Variants in MPDZ observed in about 807,000 individuals in gnomAD.
The protein encoded by MPDZ is multiple PDZ domain protein.
MPDZ carries 234 observed loss-of-function variants against 239.1 expected under a neutral mutation model. The observed-to-expected ratio is 0.98, with a 90% CI of 0.88 to 1.09. MPDZ has a LOEUF of 1.09. Among genes scored for constraint, MPDZ ranks in the 50% least tolerant of loss-of-function variants. The pLI is 0.00. For synonymous variants in MPDZ, 1,048 were observed against 881.3 expected (o/e 1.19, Z -3.35); for missense variants, 3,175 against 2,510.0 (o/e 1.26, Z -5.66).
Position 13,175,889 on chromosome 9 carries a change from A to G in MPDZ, c.2932-14T>C, listed in dbSNP as rs767608795. 1 of 1,578,460 alleles carries G rather than the reference A, an allele frequency of 6.3e-7. No individual in the cohort carries two copies. Among genetic ancestry groups the G allele is most frequent in the Admixed American group, 1.9e-5 (1 of 53,734 alleles). ...GTACTCAGAGCCCTTTAAGAAAGAA[A>G]AAGAAGTCACAAGTCACATGGAAAG... On this transcript the variant is annotated splice_polypyrimidine_tract_variant and intron_variant, in intron 20 of 46. Transcript: ENST00000319217.
Position 13,113,023 on chromosome 9 carries a change from G to A in MPDZ, c.5589C>T (p.Val1863=), listed in dbSNP as rs375001551. The A allele has an allele frequency of 2.8e-4, 439 of 1,585,290 alleles. No individual in the cohort carries two copies. The highest frequency in any genetic ancestry group is 3.5e-4 in the Non-Finnish European group (403 of 1,163,638). ...CTCCCCAAGTTACCTTTTTCATTTC[G>A]ACTGTTCTTAATCCCTGTATTTCAG... is the stretch of plus-strand genomic sequence containing the variant. ...LASEIQGLRT[V]EMKKGPTDSL... The change falls in exon 42 of 47, where the codon GTC becomes GTT. Residue 1863 remains valine, a synonymous_variant. Coordinates refer to ENST00000319217, the MANE Select transcript of MPDZ (RefSeq NM_001378778.1).
At chr9:13,186,985 T>G (rs1488540986) in intron 17 of MPDZ, among the ~76,000 whole-genome samples, 1 of 152,102 alleles carries the variant, frequency 6.6e-6, no homozygotes, top group East Asian at 1.9e-4. Context: ...CTGCTTAACT[T>G]GCAGGTTAGA....
intron 23 of MPDZ, 22 bp from the exon 24 acceptor site, chr9:13,158,132 G>C (rs917764675): frequency 1.3e-6 from 2 of 1,585,732 alleles, no homozygotes; most frequent in Non-Finnish European, 1.7e-6. Context: ...ATTACACAAT[G>C]AGTACCCCAA....
intron 28 of MPDZ, 78 bp downstream of exon 28, chr9:13,139,909 C>T (rs753740177): frequency 6.5e-7 from 1 of 1,546,658 alleles, no homozygotes; most frequent in South Asian, 1.1e-5. Context: ...ACTTACTTAT[C>T]CAGGGCGAAA....
Position 13,115,284 on chromosome 9 carries a change from T to C in MPDZ, c.5430A>G (p.Pro1810=), listed in dbSNP as rs577560180. The C allele has an allele frequency of 1.4e-5, 23 of 1,612,602 alleles. No homozygotes were observed. The East Asian group carries it at 4.7e-4, about 33-fold the overall frequency. Residue 1810 remains proline (P), a synonymous_variant, in exon 40 of 47, where the codon CCA becomes CCG. Coordinates refer to ENST00000319217, the MANE Select transcript of MPDZ (RefSeq NM_001378778.1). The part of the protein sequence containing the change: ...TLEVGRIKAG[P]FHSERRPSQS... ...GAGATGGCCTCCTCTCTGAATGGAATGGACCAGCTTTGATTCTTCCAACTT... is the reference window on the plus strand; with the variant it reads ...GAGATGGCCTCCTCTCTGAATGGAACGGACCAGCTTTGATTCTTCCAACTT...
chr9:13,172,387 G>GTT (rs34008117), intron 21 of MPDZ, among the ~76,000 whole-genome samples: 77,366 of 145,486 alleles, frequency 0.53, 24,670 homozygotes, highest in Middle Eastern at 0.71. Context: ...TTTGTTTTTT[G>GTT]TTTTTTTTTT....
In MPDZ at chr9:13,223,679, T is replaced by C. The variant is rs1490915251; in HGVS notation, c.425A>G (p.Lys142Arg). The C allele has an allele frequency of 1.2e-6, 2 of 1,609,670 alleles. No homozygotes were observed. The highest frequency in any genetic ancestry group is 1.7e-5 in the Admixed American group (1 of 59,280). The change falls in exon 5 of 47, where the codon AAA becomes AGA. Residue 142 changes from lysine to arginine, a missense_variant. By Grantham distance (26) the Lys-to-Arg change is conservative. Coordinates refer to ENST00000319217, the MANE Select transcript of MPDZ (RefSeq NM_001378778.1). ...GRHVEVFELL[K>R]PPSGGLGFSV... ...AAACCCAAGGCCTCCAGATGGAGGT[T>C]TGAGGAGCTCAAAAACTTCTACATG...
chr9:13,118,941 G>T (rs993811090), intron 39 of MPDZ, among the ~76,000 whole-genome samples: 3 of 152,172 alleles, frequency 2.0e-5, no homozygotes, highest in African/African-American at 7.2e-5. Context: ...ACTGCTGAGT[G>T]AATCTGCATT....
rs971844015 is a variant in MPDZ at position 13,205,983 on chromosome 9, C to T, written c.1407G>A (p.Glu469=). The stretch of plus-strand genomic sequence containing the variant: ...TTGTGACGTCTTCCCTTGACATGAG[C>T]TCGGCTTCCTGCTTCATTCCTCTCC... The part of the protein sequence containing the change: ...LMRRGMKQEA[E]LMSREDVTKD... The change falls in exon 11 of 47, where the codon GAG becomes GAA. Residue 469 remains glutamate, a synonymous_variant. Transcript: ENST00000319217. 1 of 1,611,392 alleles carries T rather than the reference C, an allele frequency of 6.2e-7. No individual in the cohort carries two copies. Among genetic ancestry groups the T allele is most frequent in the Non-Finnish European group, 8.5e-7 (1 of 1,179,016 alleles).
chr9:13,115,817 C>G (rs1395274872), intron 39 of MPDZ, among the ~76,000 whole-genome samples: 2 of 151,792 alleles, frequency 1.3e-5, no homozygotes, highest in Admixed American at 6.6e-5. Flanking sequence ...TGGTGGCAGG[C>G]GCCTGTAGTC....
rs141604274 is a variant in MPDZ, at chr9:13,151,715, G to A, written c.3453-1027C>T. ...GATGAAAAAAGTTCTGTAGCTAGAC[G>A]GTGGTGGTGACTGTAGAGCAATGTG... On this transcript the variant is annotated intron_variant, in intron 24 of 46. Transcript: ENST00000319217. Among the ~76,000 whole-genome samples the A allele has an allele frequency of 2.3e-3, 350 of 152,098 alleles. 2 individuals carry two copies. Among genetic ancestry groups the A allele is most frequent in the African/African-American group, 8.1e-3 (335 of 41,528 alleles).
chr9:13,221,452 C>T lies in MPDZ; in HGVS notation c.796G>A (p.Gly266Ser), dbSNP rs964953629. 2 of 1,611,240 alleles carry T rather than the reference C, an allele frequency of 1.2e-6. No homozygotes were observed. Among genetic ancestry groups the T allele is most frequent in the African/African-American group, 2.7e-5 (2 of 74,732 alleles). ...CCTCCTATGATGCCAAATCCCAAAC[C>T]AGATCCATCATTCACCAATTCAATC... ...ETIELVNDGS[G>S]LGFGIIGGKA... The change falls in exon 7 of 47, where the codon GGT becomes AGT. Residue 266 changes from glycine to serine, a missense_variant. Coordinates refer to ENST00000319217, the MANE Select transcript of MPDZ (RefSeq NM_001378778.1).
At chr9:13,122,043 C>CT in intron 37 of MPDZ, 44 bp downstream of exon 37, 1 of 1,608,460 alleles carries the variant, frequency 6.2e-7, no homozygotes, top group Non-Finnish European at 8.5e-7. Flanking sequence ...CCCCAGGAGC[C>CT]TTTTCTCTGT....
At chr9:13,145,345 T>C (rs1029012136) in intron 26 of MPDZ, among the ~76,000 whole-genome samples, 3 of 151,766 alleles carry the variant, frequency 2.0e-5, no homozygotes, top group Admixed American at 2.0e-4. Flanking sequence ...AGTGAGAAAA[T>C]GTGGTCAGAC....
In MPDZ at chr9:13,176,398, C is replaced by G. The variant is rs765815015; in HGVS notation, c.2669G>C (p.Cys890Ser). ...CATATGCAGATCAAGTACTGGATCA[C>G]AAGAATTTTCAATAACATCCTGGTA... ...SPPKDVIENS[C>S]DPVLDLHMSL... Residue 890 changes from cysteine (C) to serine (S), a missense_variant, in exon 20 of 47, where the codon TGT becomes TCT. By Grantham distance (112) the Cys-to-Ser change is moderately radical (BLOSUM62 -1). Coordinates refer to ENST00000319217, the MANE Select transcript of MPDZ (RefSeq NM_001378778.1). The G allele has an allele frequency of 6.4e-7, 1 of 1,570,272 alleles. No individual in the cohort carries two copies. Among genetic ancestry groups the G allele is most frequent in the Non-Finnish European group, 8.6e-7 (1 of 1,157,616 alleles).
intron 19 of MPDZ, among the ~76,000 whole-genome samples, 179 bp from the exon 20 acceptor site, chr9:13,176,596 T>C (rs1045630559): frequency 3.9e-5 from 6 of 152,216 alleles, no homozygotes; most frequent in African/African-American, 1.4e-4. Context: ...TGCATATCTT[T>C]ATTTTCATAA....
At chr9:13,165,642 A>G (rs1326539474) in intron 22 of MPDZ, 3 of 434,418 alleles carry the variant, frequency 6.9e-6, no homozygotes, top group Admixed American at 4.2e-5. Flanking sequence ...AACTGCAATC[A>G]GTCTTTTATT....
At chr9:13,168,672 A>G in intron 21 of MPDZ, 108 bp from the exon 22 acceptor site, 1 of 862,352 alleles carries the variant, frequency 1.2e-6, no homozygotes. Flanking sequence ...TACAAGTAAC[A>G]TTTCAGTCAA....
chr9:13,205,134 T>G, intron 11 of MPDZ, 27 bp from the exon 12 acceptor site: 1 of 1,250,260 alleles, frequency 8.0e-7, no homozygotes, highest in East Asian at 2.8e-5. Flanking sequence ...TTTTAGTAAT[T>G]TTATCTTTAG....
Sources: gnomAD v4.1 joint callset for allele counts (sites outside exome capture counted in the v4.1 genomes callset) on GRCh38, gnomAD v4.1.1 for gene constraint, MANE v1.5 for transcripts, NCBI Gene and HGNC (gene_info 2026-07-23, HGNC 2026-07-21) for gene names.